DAB1: variants seen among roughly 807,000 people sequenced by gnomAD.
DAB1 encodes disabled homolog 1.
Under a neutral mutation model 64.6 loss-of-function variants are expected in DAB1, and 15 were observed. The observed-to-expected ratio is 0.23, with a 90% confidence interval of 0.16 to 0.36. The LOEUF is 0.36. Ranked by LOEUF, DAB1 falls within the 10% of genes least tolerant of loss-of-function variation. The pLI is 1.00. For missense variants in DAB1, 596 were observed against 706.7 expected, an observed-to-expected ratio of 0.84 and a Z score of 1.78; for synonymous variants, 235 against 251.9, an observed-to-expected ratio of 0.93 and a Z score of 0.64.
At chr1:57,481,062 C>T (rs1644013038) in intron 7 of DAB1, among the ~76,000 whole-genome samples, 1 of 152,308 alleles carries the variant, frequency 6.6e-6, no homozygotes, top group Admixed American at 6.5e-5. Flanking sequence ...AGTCTCACTA[C>T]ACACAGTAGT....
At chr1:57,775,394 A>C (rs908598071) in intron 6 of DAB1, among the ~76,000 whole-genome samples, 7 of 151,634 alleles carry the variant, frequency 4.6e-5, no homozygotes, top group Admixed American at 2.0e-4. Context: ...TTTCTAATAT[A>C]AGTATTTAAA....
chr1:57,787,046 T>C (rs2101852556), intron 6 of DAB1, among the ~76,000 whole-genome samples: 1 of 152,244 alleles, frequency 6.6e-6, no homozygotes, highest in South Asian at 2.1e-4. Flanking sequence ...TAAACTGTAT[T>C]AGTGGACTGG....
chr1:57,707,583 T>C (rs1037779436), intron 6 of DAB1, among the ~76,000 whole-genome samples: 1 of 152,204 alleles, frequency 6.6e-6, no homozygotes, highest in Admixed American at 6.5e-5. Context: ...TTTAATCTTA[T>C]AAGAAATTGC....
intron 1 of DAB1, among the ~76,000 whole-genome samples, chr1:57,873,741 T>G (rs995200721): frequency 6.6e-6 from 1 of 152,170 alleles, no homozygotes; most frequent in Non-Finnish European, 1.5e-5. Context: ...AGTTTCCTCA[T>G]GGGGACAATA....
intron 5 of DAB1, among the ~76,000 whole-genome samples, chr1:57,894,616 A>G (rs1644366789): frequency 6.6e-6 from 1 of 152,166 alleles, no homozygotes; most frequent in African/African-American, 2.4e-5. Flanking sequence ...CTCACAGGGA[A>G]GAGTCTGGAT....
intron 3 of DAB1, among the ~76,000 whole-genome samples, chr1:58,380,253 G>A (rs548116503): frequency 2.6e-5 from 4 of 152,158 alleles, no homozygotes; most frequent in East Asian, 1.9e-4. Context: ...TGCTGTTCTC[G>A]TAATAGTGAG....
chr1:57,712,132 T>A (rs1386531401), intron 6 of DAB1, among the ~76,000 whole-genome samples: 3 of 152,178 alleles, frequency 2.0e-5, no homozygotes, highest in Non-Finnish European at 4.4e-5. Context: ...TGTGTTGAAT[T>A]TTTAAAAAGT....
intron 7 of DAB1, among the ~76,000 whole-genome samples, chr1:57,626,270 C>T (rs1645922157): frequency 6.6e-6 from 1 of 152,124 alleles, no homozygotes; most frequent in Non-Finnish European, 1.5e-5. Flanking sequence ...TCAGTGCTCT[C>T]TGGGCTGCAG....
intron 1 of DAB1, among the ~76,000 whole-genome samples, chr1:57,332,754 G>T (rs12756218): frequency 0.021 from 3,253 of 152,276 alleles, 44 homozygotes; most frequent in South Asian, 0.052. Context: ...TGGAGACTGA[G>T]GCTAGAAAGG....
intron 1 of DAB1, among the ~76,000 whole-genome samples, chr1:57,334,373 C>T (rs541656075): frequency 9.2e-5 from 14 of 152,316 alleles, no homozygotes; most frequent in Admixed American, 6.5e-4. Flanking sequence ...GGCTTTATGA[C>T]TTGGAGCCTT....
At chr1:57,888,310 C>T (rs1161680934), upstream of DAB1, among the ~76,000 whole-genome samples, 1 of 152,116 alleles carries the variant, frequency 6.6e-6, no homozygotes, top group East Asian at 1.9e-4. Context: ...CCACCATTCC[C>T]TAGGTCCCTT....
intron 5 of DAB1, among the ~76,000 whole-genome samples, chr1:58,036,985 T>C (rs1409648354): frequency 1.3e-5 from 2 of 152,306 alleles, no homozygotes; most frequent in African/African-American, 2.4e-5. Flanking sequence ...ATTCTGAGCA[T>C]GGCCCATTTC....
intron 2 of DAB1, among the ~76,000 whole-genome samples, chr1:57,279,206 T>C (rs931986925): frequency 1.1e-4 from 16 of 152,174 alleles, no homozygotes; most frequent in African/African-American, 3.6e-4. Flanking sequence ...AGGATCTCCA[T>C]AGATAACAAA....
chr1:57,545,106 TC>T (rs1386818258), intron 7 of DAB1, among the ~76,000 whole-genome samples: 1 of 152,178 alleles, frequency 6.6e-6, no homozygotes, highest in Admixed American at 6.5e-5. Flanking sequence ...GCTTTTTGTT[TC>T]CTCAGCCTCT....
intron 7 of DAB1, among the ~76,000 whole-genome samples, chr1:57,473,130 G>T (rs1002953404): frequency 6.6e-6 from 1 of 152,220 alleles, no homozygotes; most frequent in Non-Finnish European, 1.5e-5. Context: ...CGGAGGCAAT[G>T]TAGTCAAGAG....
At chr1:57,009,166 A>G (rs546405064) in intron 14 of DAB1, among the ~76,000 whole-genome samples, 4 of 152,270 alleles carry the variant, frequency 2.6e-5, no homozygotes, top group Admixed American at 2.6e-4. Flanking sequence ...CCTCTAGTTT[A>G]TTCACCAAAT....
chr1:58,432,984 A>G (rs1393350633), intron 3 of DAB1, among the ~76,000 whole-genome samples: 1 of 152,160 alleles, frequency 6.6e-6, no homozygotes, highest in Non-Finnish European at 1.5e-5. Context: ...CCTCCCAGGC[A>G]TTCCTCTTTG....
chr1:57,815,690 G>T (rs1386564540), intron 6 of DAB1, among the ~76,000 whole-genome samples: 2 of 150,238 alleles, frequency 1.3e-5, no homozygotes, highest in African/African-American at 4.9e-5. Context: ...AAAAAGAACA[G>T]AATGCACTCA....
At chr1:58,000,564 CTT>C (rs869176789) in intron 5 of DAB1, among the ~76,000 whole-genome samples, 361 of 95,680 alleles carry the variant, frequency 3.8e-3, no homozygotes, top group African/African-American at 0.014. Context: ...TCTTTTTTGC[CTT>C]TTTTTTTTTT....
Sources: allele counts gnomAD v4.1 joint callset (sites outside exome capture counted in the v4.1 genomes callset), GRCh38; gene constraint gnomAD v4.1.1; transcripts MANE v1.5; gene names NCBI Gene and HGNC (gene_info 2026-07-23, HGNC 2026-07-21).